Variants in SORCS1 observed in about 807,000 individuals in gnomAD.
The protein encoded by SORCS1 is sortilin related VPS10 domain containing receptor 1.
In SORCS1, 60 loss-of-function variants were observed where a neutral mutation model predicts 146.1. The ratio of observed to expected loss-of-function variants is 0.41; its 90% confidence interval spans 0.33 to 0.51. The LOEUF (loss-of-function observed/expected upper bound fraction) is 0.51. Among genes scored for constraint, SORCS1 ranks in the 20% least tolerant of loss-of-function variants. The pLI is 0.21. For synonymous variants in SORCS1, 637 were observed against 584.0 expected (o/e 1.09, Z -1.31); for missense variants, 1,352 against 1,487.6 (o/e 0.91, Z 1.50).
chr10:106,889,050 G>A (rs531118925), intron 2 of SORCS1, among the ~76,000 whole-genome samples: 2 of 152,172 alleles, frequency 1.3e-5, no homozygotes, highest in African/African-American at 2.4e-5. Context: ...ATTTTTTGTA[G>A]AAAGAATACT....
chr10:106,802,882 G>A (rs541630958), intron 3 of SORCS1, among the ~76,000 whole-genome samples: 3 of 152,126 alleles, frequency 2.0e-5, no homozygotes, highest in East Asian at 1.9e-4. Context: ...TGATCCTCCC[G>A]CCTTGGCCTC....
intron 4 of SORCS1, among the ~76,000 whole-genome samples, chr10:106,768,406 T>C (rs552221069): frequency 4.7e-4 from 72 of 152,344 alleles, no homozygotes; most frequent in African/African-American, 1.7e-3. Flanking sequence ...TTCCTAAGTG[T>C]TTGTGCTTGT....
intron 2 of SORCS1, among the ~76,000 whole-genome samples, chr10:106,864,078 C>T (rs1950135262): frequency 6.6e-6 from 1 of 152,078 alleles, no homozygotes; most frequent in African/African-American, 2.4e-5. Flanking sequence ...GAAGTTAATT[C>T]AATTATTAGA....
intron 25 of SORCS1, chr10:106,577,804 A>T: frequency 2.0e-6 from 1 of 508,662 alleles, no homozygotes; most frequent in Non-Finnish European, 3.0e-6. Flanking sequence ...GGCAGAAAAG[A>T]CTTTTTTCTT....
At chr10:106,913,011 T>C (rs1286179018) in intron 2 of SORCS1, among the ~76,000 whole-genome samples, 1 of 151,772 alleles carries the variant, frequency 6.6e-6, no homozygotes, top group East Asian at 1.9e-4. Context: ...AAGATTCATA[T>C]AGAGTTCTGA....
intron 1 of SORCS1, among the ~76,000 whole-genome samples, chr10:107,007,114 ATCCC>A (rs1260331723): frequency 6.6e-6 from 1 of 152,170 alleles, no homozygotes; most frequent in East Asian, 1.9e-4. Flanking sequence ...TTCCCCTGCA[ATCCC>A]TGTGTAATCA....
intron 2 of SORCS1, among the ~76,000 whole-genome samples, chr10:106,874,091 T>C (rs932420201): frequency 3.3e-5 from 5 of 152,224 alleles, no homozygotes; most frequent in African/African-American, 9.6e-5. Context: ...TATTTACTAA[T>C]ATACAATGAG....
At chr10:106,843,080 C>T (rs924675481) in intron 2 of SORCS1, among the ~76,000 whole-genome samples, 1 of 152,082 alleles carries the variant, frequency 6.6e-6, no homozygotes, top group African/African-American at 2.4e-5. Context: ...TGTCCATTAC[C>T]TCAAACATTA....
rs763676106 is a variant in SORCS1, at chr10:107,123,734, G to A, written c.558+40235C>T. Reference sequence around the variant, plus strand: ...CTATGCTTTGTCATTTACTAGCTAGGGGACTTGAACATATTACCTACTGGA... The same window carrying A: ...CTATGCTTTGTCATTTACTAGCTAGAGGACTTGAACATATTACCTACTGGA... On this transcript the variant is annotated intron_variant, in intron 1 of 25. Transcript: ENST00000263054. Among the ~76,000 whole-genome samples the A allele has an allele frequency of 1.1e-4, 16 of 152,162 alleles. 1 individual carries two copies. Among genetic ancestry groups the A allele is most frequent in the Middle Eastern group, 6.8e-3 (2 of 294 alleles).
At chr10:106,642,425 T>C (rs925941554) in intron 18 of SORCS1, among the ~76,000 whole-genome samples, 6 of 152,190 alleles carry the variant, frequency 3.9e-5, no homozygotes, top group African/African-American at 1.4e-4. Context: ...TCTTTTGACA[T>C]CAGAAGATCC....
chr10:106,646,675 C>A (rs12221205), intron 18 of SORCS1, among the ~76,000 whole-genome samples: 2 of 151,610 alleles, frequency 1.3e-5, no homozygotes, highest in African/African-American at 4.9e-5. Context: ...CCAGCCTGGG[C>A]GACAGAGTGA....
intron 2 of SORCS1, among the ~76,000 whole-genome samples, chr10:106,889,958 A>G (rs1951167003): frequency 6.7e-6 from 1 of 149,794 alleles, no homozygotes; most frequent in South Asian, 2.1e-4. Flanking sequence ...TGCTCTTCTG[A>G]TGACTTTACA....
chr10:107,168,555 A>G (rs1970098810), upstream of SORCS1, among the ~76,000 whole-genome samples: 1 of 152,136 alleles, frequency 6.6e-6, no homozygotes, highest in Non-Finnish European at 1.5e-5. Flanking sequence ...GCTGGGTGGC[A>G]CCAGTATAAC....
chr10:107,074,772 T>C (rs1377798420), intron 1 of SORCS1, among the ~76,000 whole-genome samples: 1 of 152,210 alleles, frequency 6.6e-6, no homozygotes, highest in African/African-American at 2.4e-5. Context: ...ATTGTTGTTT[T>C]AATTTGCATT....
chr10:107,113,961 G>A (rs953072924), intron 1 of SORCS1, among the ~76,000 whole-genome samples: 4 of 151,512 alleles, frequency 2.6e-5, no homozygotes, highest in South Asian at 2.1e-4. Context: ...TTATAAAAGC[G>A]ACCCAAAACT....
intron 23 of SORCS1, among the ~76,000 whole-genome samples, chr10:106,603,227 T>C (rs1846360551): frequency 6.6e-6 from 1 of 152,130 alleles, no homozygotes; most frequent in Admixed American, 6.5e-5. Context: ...GGAAGTGGGA[T>C]GCTTGAGGGG....
At chr10:106,709,185 G>T in intron 7 of SORCS1, 38 bp downstream of exon 7, 2 of 1,485,378 alleles carry the variant, frequency 1.3e-6, no homozygotes, top group South Asian at 1.1e-5. Context: ...GGAAAAGAAA[G>T]GTTTCTGAGA....
At chr10:106,686,878 G>A (rs1852887993) in intron 10 of SORCS1, among the ~76,000 whole-genome samples, 2 of 152,178 alleles carry the variant, frequency 1.3e-5, no homozygotes, top group South Asian at 4.1e-4. Flanking sequence ...TGGGATGGAA[G>A]GAAGCAAGCT....
chr10:106,950,323 C>T (rs1303807283), intron 2 of SORCS1, among the ~76,000 whole-genome samples: 2 of 152,240 alleles, frequency 1.3e-5, no homozygotes, highest in Non-Finnish European at 2.9e-5. Context: ...GCAAGGCTTA[C>T]AGCCCTAGGA....
Sources: allele counts gnomAD v4.1 joint callset (sites outside exome capture counted in the v4.1 genomes callset), GRCh38; gene constraint gnomAD v4.1.1; transcripts MANE v1.5; gene names NCBI Gene and HGNC (gene_info 2026-07-23, HGNC 2026-07-21).